Variants in PCDH9 observed in about 807,000 individuals in gnomAD.
PCDH9 encodes the protein protocadherin-9.
In PCDH9, 24 loss-of-function variants were observed where a neutral mutation model predicts 70.6. The observed-to-expected ratio is 0.34, with a 90% CI of 0.25 to 0.48. The LOEUF is 0.48. PCDH9 is among the 20% of genes least tolerant of loss of function. The pLI is 0.99. For missense variants in PCDH9, 1,281 were observed against 1,503.6 expected (o/e 0.85, Z 2.45); for synonymous variants, 562 against 558.5 (o/e 1.01, Z -0.09).
At chr13:66,794,977 GCACACA>G (rs71107002) in intron 3 of PCDH9, among the ~76,000 whole-genome samples, 2 of 147,400 alleles carry the variant, frequency 1.4e-5, no homozygotes, top group South Asian at 4.3e-4. Context: ...ACACACACAG[GCACACA>G]CACACACACA....
chr13:67,119,771 A>G (rs917106415), intron 2 of PCDH9, among the ~76,000 whole-genome samples: 4 of 152,262 alleles, frequency 2.6e-5, no homozygotes, highest in East Asian at 1.9e-4. Context: ...TTATTAAACA[A>G]CTAGGACATG....
chr13:66,788,545 A>G (rs746342767), intron 3 of PCDH9, among the ~76,000 whole-genome samples: 3 of 151,850 alleles, frequency 2.0e-5, no homozygotes, highest in African/African-American at 7.3e-5. Context: ...TATTGTTCCT[A>G]ATATTAGGTT....
chr13:66,860,546 G>T (rs1199341530), intron 3 of PCDH9, among the ~76,000 whole-genome samples: 1 of 152,214 alleles, frequency 6.6e-6, no homozygotes, highest in Non-Finnish European at 1.5e-5. Context: ...CAAACTTTCA[G>T]CAGAGAGAAA....
At chr13:66,340,918 C>T (rs1465381087) in intron 4 of PCDH9, among the ~76,000 whole-genome samples, 1 of 152,086 alleles carries the variant, frequency 6.6e-6, no homozygotes, top group East Asian at 1.9e-4. Flanking sequence ...AGGGTTTATA[C>T]CTTTATTTCA....
At chr13:66,794,087 G>A (rs1358515573) in intron 3 of PCDH9, among the ~76,000 whole-genome samples, 1 of 152,098 alleles carries the variant, frequency 6.6e-6, no homozygotes, top group Non-Finnish European at 1.5e-5. Context: ...ATAATTCTAT[G>A]AAGGAATAAT....
At chr13:66,321,486 C>T (rs79141204) in intron 4 of PCDH9, among the ~76,000 whole-genome samples, 5,050 of 151,782 alleles carry the variant, frequency 0.033, 340 homozygotes, top group African/African-American at 0.11. Context: ...CTACATTTTT[C>T]GGTTGATGGT....
chr13:66,625,008 C>G (rs2077479882), intron 4 of PCDH9, among the ~76,000 whole-genome samples: 1 of 152,140 alleles, frequency 6.6e-6, no homozygotes, highest in Non-Finnish European at 1.5e-5. Context: ...CCAATCTCAA[C>G]AGCTACTAAT....
At chr13:67,180,108 A>C (rs763404551) in intron 2 of PCDH9, among the ~76,000 whole-genome samples, 2 of 152,194 alleles carry the variant, frequency 1.3e-5, no homozygotes, top group Non-Finnish European at 2.9e-5. Flanking sequence ...CTTGGAAGGT[A>C]GATGAAAGAG....
chr13:66,655,944 T>C (rs754500455), intron 3 of PCDH9, among the ~76,000 whole-genome samples: 2 of 152,174 alleles, frequency 1.3e-5, no homozygotes, highest in Non-Finnish European at 2.9e-5. Flanking sequence ...ACACAGGGTT[T>C]AATGCCTGAG....
intron 2 of PCDH9, among the ~76,000 whole-genome samples, chr13:67,115,973 T>C (rs1377189312): frequency 6.6e-6 from 1 of 152,204 alleles, no homozygotes; most frequent in Non-Finnish European, 1.5e-5. Context: ...TTGCCCAGTT[T>C]TGAATCCAGA....
chr13:66,391,658 C>T (rs559109542), intron 4 of PCDH9, among the ~76,000 whole-genome samples: 21 of 152,154 alleles, frequency 1.4e-4, no homozygotes, highest in Non-Finnish European at 2.9e-4. Context: ...CCTAAACCTT[C>T]ATAAATAAAT....
intron 2 of PCDH9, among the ~76,000 whole-genome samples, chr13:67,096,902 C>T (rs2086331272): frequency 2.0e-5 from 3 of 151,716 alleles, no homozygotes; most frequent in Admixed American, 2.0e-4. Flanking sequence ...ATCATTTTCC[C>T]GTGCTTTGTT....
chr13:66,448,071 T>C (rs1457952607), intron 4 of PCDH9, among the ~76,000 whole-genome samples: 2 of 152,166 alleles, frequency 1.3e-5, no homozygotes. Flanking sequence ...GTTCCTTTCT[T>C]TTCTCTCTTT....
chr13:66,747,328 G>C (rs1381662528), intron 3 of PCDH9, among the ~76,000 whole-genome samples: 1 of 152,012 alleles, frequency 6.6e-6, no homozygotes, highest in Non-Finnish European at 1.5e-5. Flanking sequence ...TCCAGCCTGG[G>C]CAACAGTGCG....
intron 4 of PCDH9, among the ~76,000 whole-genome samples, chr13:66,468,048 T>A (rs1042419331): frequency 3.3e-5 from 5 of 152,038 alleles, no homozygotes; most frequent in African/African-American, 1.2e-4. Context: ...TCCTGATTTG[T>A]TGATCCAACT....
intron 3 of PCDH9, among the ~76,000 whole-genome samples, chr13:66,735,119 A>T (rs2079128766): frequency 6.6e-6 from 1 of 152,220 alleles, no homozygotes; most frequent in Admixed American, 6.5e-5. Flanking sequence ...CTGAAAAGTT[A>T]TATCTACAAC....
At chr13:66,816,347 C>T (rs2080604278) in intron 3 of PCDH9, among the ~76,000 whole-genome samples, 1 of 152,054 alleles carries the variant, frequency 6.6e-6, no homozygotes, top group Admixed American at 6.6e-5. Context: ...CTAAACCTGT[C>T]CTAGATCAGT....
At chr13:66,705,433 C>T (rs2078698976) in intron 3 of PCDH9, among the ~76,000 whole-genome samples, 2 of 152,146 alleles carry the variant, frequency 1.3e-5, no homozygotes, top group Non-Finnish European at 2.9e-5. Flanking sequence ...ATGTTGACTT[C>T]CTCCTAATTA....
intron 4 of PCDH9, among the ~76,000 whole-genome samples, chr13:66,623,404 T>TG (rs2138910206): frequency 6.6e-6 from 1 of 152,250 alleles, no homozygotes; most frequent in South Asian, 2.1e-4. Flanking sequence ...GTTCATATTT[T>TG]GGGGCTCACC....
Sources: gnomAD v4.1 joint callset for allele counts (sites outside exome capture counted in the v4.1 genomes callset) on GRCh38, gnomAD v4.1.1 for gene constraint, MANE v1.5 for transcripts, NCBI Gene and HGNC (gene_info 2026-07-23, HGNC 2026-07-21) for gene names.